The following NRXN1 variants were observed in gnomAD, a reference collection of about 807,000 sequenced individuals.
NRXN1 encodes the protein neurexin 1.
A neutral mutation model predicts 150.9 loss-of-function variants in NRXN1; 39 were observed. The observed-to-expected ratio is 0.26, with a 90% CI of 0.20 to 0.34. The LOEUF is 0.34. NRXN1 is among the 10% of genes least tolerant of loss of function. NRXN1 has a pLI of 1.00. For synonymous variants in NRXN1, 924 were observed against 757.0 expected, an observed-to-expected ratio of 1.22 and a Z score of -3.62; for missense variants, 1,815 against 1,949.9, an observed-to-expected ratio of 0.93 and a Z score of 1.30.
chr2:50,383,462 T>A (rs1292535273), intron 17 of NRXN1, among the ~76,000 whole-genome samples: 1 of 152,206 alleles, frequency 6.6e-6, no homozygotes, highest in Non-Finnish European at 1.5e-5. Flanking sequence ...AAAAATTCTT[T>A]TAAAGTTTTA....
At chr2:50,979,464 A>G (rs1696433194) in intron 2 of NRXN1, among the ~76,000 whole-genome samples, 1 of 152,266 alleles carries the variant, frequency 6.6e-6, no homozygotes, top group South Asian at 2.1e-4. Context: ...TGTGCAACAT[A>G]TAAGAGTAAT....
chr2:50,595,070 G>C (rs1448656843), intron 8 of NRXN1, among the ~76,000 whole-genome samples: 1 of 150,284 alleles, frequency 6.7e-6, no homozygotes, highest in Non-Finnish European at 1.5e-5. Context: ...CATCCAGATT[G>C]GGAAAGCTGG....
intron 2 of NRXN1, among the ~76,000 whole-genome samples, chr2:51,018,317 T>C (rs758131290): frequency 4.6e-5 from 7 of 152,246 alleles, no homozygotes; most frequent in East Asian, 1.9e-4. Flanking sequence ...CTATTTGATG[T>C]AGCAGTTGTT....
intron 8 of NRXN1, among the ~76,000 whole-genome samples, chr2:50,602,597 T>TC (rs1676457356): frequency 6.6e-6 from 1 of 152,188 alleles, no homozygotes. Context: ...CTTCCTTCCT[T>TC]CCTTCCTTTT....
intron 15 of NRXN1, among the ~76,000 whole-genome samples, chr2:50,483,662 C>T (rs557273527): frequency 6.6e-6 from 1 of 152,126 alleles, no homozygotes; most frequent in Non-Finnish European, 1.5e-5. Flanking sequence ...CAGGGTAATA[C>T]AAGCAATACA....
intron 18 of NRXN1, among the ~76,000 whole-genome samples, chr2:50,213,872 G>A (rs2063204720): frequency 6.6e-6 from 1 of 151,918 alleles, no homozygotes; most frequent in African/African-American, 2.4e-5. Flanking sequence ...AACCCCAGCA[G>A]AGTCACCACT....
intron 5 of NRXN1, among the ~76,000 whole-genome samples, chr2:50,645,243 A>T (rs1283112164): frequency 1.3e-5 from 2 of 151,930 alleles, no homozygotes; most frequent in Non-Finnish European, 2.9e-5. Flanking sequence ...ATTCATATAT[A>T]TTCAAAATGT....
intron 5 of NRXN1, among the ~76,000 whole-genome samples, chr2:50,670,300 A>T (rs1003787429): frequency 1.3e-5 from 2 of 151,900 alleles, no homozygotes; most frequent in Non-Finnish European, 2.9e-5. Context: ...TATCATTAAA[A>T]AAAAACTAGT....
chr2:50,908,619 CA>C (rs1684074192), intron 5 of NRXN1, among the ~76,000 whole-genome samples: 1 of 151,328 alleles, frequency 6.6e-6, no homozygotes, highest in South Asian at 2.1e-4. Flanking sequence ...TTGAAAGAAC[CA>C]AAAAATAAAA....
intron 17 of NRXN1, among the ~76,000 whole-genome samples, chr2:50,334,192 AATATATAT>A (rs1553457969): frequency 3.4e-5 from 4 of 118,982 alleles, no homozygotes; most frequent in Non-Finnish European, 5.0e-5. Context: ...ACCAGGACCA[AATATATAT>A]ATATATATAT....
At position 50,169,505 on chromosome 2, in the gene NRXN1, G is replaced by A. The variant is rs572104583; in HGVS notation, c.3546+67284C>T. Among the ~76,000 whole-genome samples the A allele has an allele frequency of 2.6e-5, 4 of 152,220 alleles. 1 individual carries two copies. In the South Asian group the frequency reaches 8.3e-4, roughly 32 times the overall value. ...CAAGGAGGGCGGATTACGAGGTCAGGAGTTCGAGACCAGTCTGGCCAACAC... is the reference window on the plus strand; with the variant it reads ...CAAGGAGGGCGGATTACGAGGTCAGAAGTTCGAGACCAGTCTGGCCAACAC... On this transcript the variant is annotated intron_variant, in intron 18 of 22. Coordinates refer to ENST00000401669, the MANE Select transcript of NRXN1 (RefSeq NM_001330078.2).
At chr2:50,015,340 T>C (rs971116852) in intron 21 of NRXN1, among the ~76,000 whole-genome samples, 1 of 151,912 alleles carries the variant, frequency 6.6e-6, no homozygotes, top group Non-Finnish European at 1.5e-5. Context: ...AGGTCTCTCC[T>C]TTCTTTGATG....
At chr2:50,563,104 A>C (rs556580206) in intron 8 of NRXN1, among the ~76,000 whole-genome samples, 1 of 152,172 alleles carries the variant, frequency 6.6e-6, no homozygotes, top group Non-Finnish European at 1.5e-5. Flanking sequence ...TAACTTATAA[A>C]TTTTTTTGTC....
intron 17 of NRXN1, among the ~76,000 whole-genome samples, chr2:50,440,723 C>T (rs946284451): frequency 6.6e-6 from 1 of 152,034 alleles, no homozygotes; most frequent in African/African-American, 2.4e-5. Context: ...AAACAATAAT[C>T]TTATATTTCC....
intron 21 of NRXN1, among the ~76,000 whole-genome samples, chr2:49,959,385 C>T (rs886878973): frequency 6.6e-6 from 1 of 152,220 alleles, no homozygotes; most frequent in Non-Finnish European, 1.5e-5. Flanking sequence ...AGGCATCCAG[C>T]TGTATCTATC....
intron 17 of NRXN1, among the ~76,000 whole-genome samples, chr2:50,370,639 C>T (rs1490443419): frequency 6.6e-6 from 1 of 151,768 alleles, no homozygotes; most frequent in Non-Finnish European, 1.5e-5. Flanking sequence ...CTAAGTACTT[C>T]CTAGAATGTA....
chr2:50,620,862 G>A (rs1459573888), intron 7 of NRXN1: 5 of 253,318 alleles, frequency 2.0e-5, no homozygotes, highest in Non-Finnish European at 3.0e-5. Context: ...GGCATCTCCA[G>A]CATTCCCAAA....
intron 21 of NRXN1, among the ~76,000 whole-genome samples, chr2:49,991,527 A>T (rs1681956071): frequency 6.6e-6 from 1 of 152,210 alleles, no homozygotes; most frequent in Non-Finnish European, 1.5e-5. Flanking sequence ...CAAACAAAAT[A>T]TCTAAAAAAT....
intron 18 of NRXN1, among the ~76,000 whole-genome samples, chr2:50,158,930 G>C (rs934767393): frequency 1.4e-4 from 22 of 151,970 alleles, no homozygotes; most frequent in African/African-American, 5.3e-4. Context: ...CAAAAAACGC[G>C]TAAGATAGGG....
Sources: gnomAD v4.1 joint callset for allele counts (sites outside exome capture counted in the v4.1 genomes callset) on GRCh38, gnomAD v4.1.1 for gene constraint, MANE v1.5 for transcripts, NCBI Gene and HGNC (gene_info 2026-07-23, HGNC 2026-07-21) for gene names.